Variants in SUSD4 observed in about 807,000 individuals in gnomAD.
SUSD4 encodes sushi domain-containing protein 4.
Under a neutral mutation model 50.5 loss-of-function variants are expected in SUSD4, and 41 were observed. The ratio of observed to expected loss-of-function variants is 0.81; its 90% CI spans 0.63 to 1.05. SUSD4 has a LOEUF of 1.05. Ranked by LOEUF, SUSD4 falls within the 50% of genes least tolerant of loss-of-function variation. SUSD4 has a pLI of 0.00. For synonymous variants in SUSD4, 257 were observed against 257.3 expected (o/e 1.00, Z 0.01); for missense variants, 580 against 634.7 (o/e 0.91, Z 0.93).
At chr1:223,263,801 C>T (rs542972273) in intron 5 of SUSD4, 346 of 985,444 alleles carry the variant, frequency 3.5e-4, no homozygotes, top group Non-Finnish European at 3.2e-4. Flanking sequence ...TCATTTGTTT[C>T]CATATTCCAT....
At chr1:223,322,555 T>A (rs998644633) in intron 2 of SUSD4, among the ~76,000 whole-genome samples, 2 of 152,200 alleles carry the variant, frequency 1.3e-5, no homozygotes, top group Non-Finnish European at 2.9e-5. Flanking sequence ...ATAATTGTGA[T>A]ATAAGATAAG....
At chr1:223,282,859 C>A (rs1022810534) in intron 3 of SUSD4, among the ~76,000 whole-genome samples, 3 of 152,152 alleles carry the variant, frequency 2.0e-5, no homozygotes, top group Middle Eastern at 3.2e-3. Flanking sequence ...GCTACAGTAA[C>A]CAAAACAGCA....
At chr1:223,243,282 C>A (rs549287483) in intron 5 of SUSD4, among the ~76,000 whole-genome samples, 1 of 152,196 alleles carries the variant, frequency 6.6e-6, no homozygotes, top group Admixed American at 6.5e-5. Context: ...CTGGGCTGCC[C>A]GCCTTGCCCT....
chr1:223,276,935 T>G (rs532728816), intron 3 of SUSD4, among the ~76,000 whole-genome samples: 35 of 152,326 alleles, frequency 2.3e-4, no homozygotes, highest in African/African-American at 7.9e-4. Flanking sequence ...TAAAATATTT[T>G]TAAAGCATCC....
At chr1:223,314,210 A>T (rs546888728) in intron 2 of SUSD4, among the ~76,000 whole-genome samples, 56 of 152,290 alleles carry the variant, frequency 3.7e-4, no homozygotes, top group Admixed American at 2.0e-3. Context: ...GCCTGTTACT[A>T]AACCTTTTCA....
chr1:223,275,010 A>G (rs17163765), intron 3 of SUSD4, among the ~76,000 whole-genome samples: 51,948 of 152,014 alleles, frequency 0.34, 9,178 homozygotes, highest in Non-Finnish European at 0.4. Flanking sequence ...TGCTATATGT[A>G]TTTTATTTCA....
Position 223,277,499 on chromosome 1 carries a change from C to G in SUSD4, c.362-8824G>C, listed in dbSNP as rs77095568. Reference sequence around the variant, plus strand: ...ATCCCTGGCTGCACACTGAAATTACCTTGGATCCCTTGAAAAGAGGTCCCT... The same window carrying G: ...ATCCCTGGCTGCACACTGAAATTACGTTGGATCCCTTGAAAAGAGGTCCCT... On this transcript the variant is annotated intron_variant, in intron 3 of 8. Coordinates refer to ENST00000366878, the MANE Select transcript of SUSD4 (RefSeq NM_017982.4). Among the ~76,000 whole-genome samples the G allele has an allele frequency of 1.0e-3, 154 of 152,126 alleles. 3 individuals carry two copies. The East Asian group carries it at 0.027, about 26-fold the overall frequency.
chr1:223,261,576 A>G (rs1662124183), intron 5 of SUSD4, among the ~76,000 whole-genome samples: 1 of 152,250 alleles, frequency 6.6e-6, no homozygotes, highest in African/African-American at 2.4e-5. Context: ...ACACCTATGT[A>G]GTAAGCTCTC....
chr1:223,360,780 G>A (rs1399341824), intron 2 of SUSD4, among the ~76,000 whole-genome samples: 1 of 151,850 alleles, frequency 6.6e-6, no homozygotes, highest in Non-Finnish European at 1.5e-5. Context: ...TCAGAACAGT[G>A]TCCATTAAAT....
chr1:223,248,976 G>A (rs969634644), intron 5 of SUSD4, among the ~76,000 whole-genome samples: 1 of 152,106 alleles, frequency 6.6e-6, no homozygotes, highest in Non-Finnish European at 1.5e-5. Context: ...ACAGCAGCGG[G>A]GAATGGCTGG....
intron 5 of SUSD4, among the ~76,000 whole-genome samples, chr1:223,238,038 A>G (rs1413903321): frequency 1.3e-5 from 2 of 152,002 alleles, no homozygotes; most frequent in African/African-American, 4.8e-5. Context: ...ATATAGGCCT[A>G]TTCAGATGGT....
chr1:223,233,839 T>C lies in SUSD4; in HGVS notation c.725-4451A>G, dbSNP rs1445755810. Reference sequence around the variant, plus strand: ...GATCCTTCTGCAACTCCATTTTTCTTAATGTTTCTTACTTTAGACATTATT... The same window carrying C: ...GATCCTTCTGCAACTCCATTTTTCTCAATGTTTCTTACTTTAGACATTATT... On this transcript the variant is annotated intron_variant, in intron 5 of 8. Coordinates refer to ENST00000366878, the MANE Select transcript of SUSD4 (RefSeq NM_017982.4). 3.3e-5 allele frequency among the ~76,000 whole-genome samples: 5 copies of C among 152,210 alleles called. No homozygotes were observed. The South Asian group carries it at 1.0e-3, about 31-fold the overall frequency.
At chr1:223,271,527 A>AT (rs1662920160) in intron 3 of SUSD4, among the ~76,000 whole-genome samples, 1 of 152,150 alleles carries the variant, frequency 6.6e-6, no homozygotes, top group African/African-American at 2.4e-5. Context: ...ATGTGGGAGG[A>AT]GCCACATATC....
At chr1:223,236,092 C>T (rs879094705) in intron 5 of SUSD4, among the ~76,000 whole-genome samples, 1 of 152,166 alleles carries the variant, frequency 6.6e-6, no homozygotes, top group Admixed American at 6.5e-5. Flanking sequence ...TTTTAATTTG[C>T]ATTTCCTGAT....
At chr1:223,246,613 G>A (rs1235102568) in intron 5 of SUSD4, among the ~76,000 whole-genome samples, 4 of 152,084 alleles carry the variant, frequency 2.6e-5, no homozygotes, top group Admixed American at 6.6e-5. Context: ...GGAGGGGCTG[G>A]CCTCTGACAG....
chr1:223,276,371 G>A (rs1663274885), intron 3 of SUSD4, among the ~76,000 whole-genome samples: 1 of 152,226 alleles, frequency 6.6e-6, no homozygotes, highest in African/African-American at 2.4e-5. Context: ...TGAGGTCTCA[G>A]CACTCACGTG....
intron 5 of SUSD4, chr1:223,263,967 C>T: frequency 1.0e-6 from 1 of 985,434 alleles, no homozygotes; most frequent in Non-Finnish European, 1.2e-6. Flanking sequence ...TTCGGGCATA[C>T]TTTCAAGATC....
chr1:223,321,682 T>C (rs1307147911), intron 2 of SUSD4, among the ~76,000 whole-genome samples: 3 of 152,226 alleles, frequency 2.0e-5, no homozygotes, highest in African/African-American at 4.8e-5. Context: ...TTTTGAACCA[T>C]GGATGCCTTT....
Position 223,227,012 on chromosome 1 carries a change from T to A in SUSD4, c.1061+582A>T, listed in dbSNP as rs757281848. On this transcript the variant is annotated intron_variant, in intron 7 of 8. Transcript: ENST00000366878. The surrounding 1 kb of genome is among the most constrained non-coding windows in gnomAD (Gnocchi z 4.5). Reference sequence around the variant, plus strand: ...GGCTGAAGATACCAACCCGAGCTGATTGGTGCAGCTCAGAAGGATGTAGAA... The same window carrying A: ...GGCTGAAGATACCAACCCGAGCTGAATGGTGCAGCTCAGAAGGATGTAGAA... Among the ~76,000 whole-genome samples, 1 of 152,160 alleles carries A rather than the reference T, an allele frequency of 6.6e-6. No individual in the cohort carries two copies. The highest frequency in any genetic ancestry group is 1.5e-5 in the Non-Finnish European group (1 of 68,034).
Sources: gnomAD v4.1 joint callset for allele counts (sites outside exome capture counted in the v4.1 genomes callset) on GRCh38, gnomAD v4.1.1 for gene constraint, Gnocchi (gnomAD v3.1) non-coding constraint, MANE v1.5 for transcripts, NCBI Gene and HGNC (gene_info 2026-07-23, HGNC 2026-07-21) for gene names.